TMED3: variants seen among roughly 807,000 people sequenced by gnomAD.
The protein encoded by TMED3 is transmembrane emp24 domain-containing protein 3.
A neutral mutation model predicts 15.0 loss-of-function variants in TMED3; 9 were observed. The observed-to-expected ratio is 0.60, with a 90% CI of 0.36 to 1.04. The LOEUF (loss-of-function observed/expected upper bound fraction) is 1.04. Among genes scored for constraint, TMED3 ranks in the 50% least tolerant of loss-of-function variants. The pLI, the probability that TMED3 is intolerant of heterozygous loss-of-function variation, is 0.01. For synonymous variants in TMED3, 117 were observed against 121.4 expected (o/e 0.96, Z 0.24); for missense variants, 267 against 278.9 (o/e 0.96, Z 0.30).
At chr15:79,401,135 A>AT (rs1893828403) in intron 2 of TMED3, among the ~76,000 whole-genome samples, 1 of 152,150 alleles carries the variant, frequency 6.6e-6, no homozygotes, top group Admixed American at 6.5e-5. Flanking sequence ...TCAATAATAG[A>AT]TTTTCAGTGC....
At chr15:79,376,110 T>G (rs1340940074) in intron 2 of TMED3, among the ~76,000 whole-genome samples, 2 of 71,374 alleles carry the variant, frequency 2.8e-5, no homozygotes, top group African/African-American at 1.1e-4. Context: ...TTTTTTTTTT[T>G]TTTTTTTTTT....
intron 2 of TMED3, among the ~76,000 whole-genome samples, chr15:79,404,868 A>T (rs1256569960): frequency 6.6e-6 from 1 of 152,220 alleles, no homozygotes; most frequent in Admixed American, 6.5e-5. Context: ...TAGCATCAAC[A>T]TAAGTGAGCC....
intron 2 of TMED3, among the ~76,000 whole-genome samples, chr15:79,349,096 C>A (rs6495400): frequency 0.094 from 14,238 of 152,236 alleles, 706 homozygotes; most frequent in Admixed American, 0.12. Context: ...CCTCTGCCTT[C>A]CAAAGTGCTG....
At chr15:79,340,065 G>C (rs1344280118) in intron 2 of TMED3, among the ~76,000 whole-genome samples, 1 of 152,156 alleles carries the variant, frequency 6.6e-6, no homozygotes, top group African/African-American at 2.4e-5. Flanking sequence ...CAAATTACAT[G>C]AATGTGTATC....
At chr15:79,331,688 A>G (rs1457195763) in intron 2 of TMED3, among the ~76,000 whole-genome samples, 1 of 152,200 alleles carries the variant, frequency 6.6e-6, no homozygotes, top group Non-Finnish European at 1.5e-5. Context: ...TGTACAAGGA[A>G]CTCAAACATA....
At chr15:79,347,746 G>T (rs2058876217) in intron 2 of TMED3, among the ~76,000 whole-genome samples, 1 of 152,074 alleles carries the variant, frequency 6.6e-6, no homozygotes, top group South Asian at 2.1e-4. Context: ...CAACAGTCAA[G>T]CTGAGAGGCA....
chr15:79,331,542 C>CAAAAAAAAAAAAAAAAAAAGAAAAAAAAA (rs2058808849), intron 2 of TMED3, among the ~76,000 whole-genome samples: 1 of 89,288 alleles, frequency 1.1e-5, no homozygotes, highest in Non-Finnish European at 2.1e-5. Flanking sequence ...GCAAAAGAAG[C>CAAAAAAAAAAAAAAAAAAAGAAAAAAAAA]AAAAAAAAAA....
At chr15:79,382,482 A>G (rs1893552028) in intron 2 of TMED3, among the ~76,000 whole-genome samples, 1 of 152,238 alleles carries the variant, frequency 6.6e-6, no homozygotes, top group African/African-American at 2.4e-5. Flanking sequence ...CCAATGCCAG[A>G]ATGCATAGCT....
chr15:79,359,706 C>G (rs985797857), intron 2 of TMED3, among the ~76,000 whole-genome samples: 1 of 152,106 alleles, frequency 6.6e-6, no homozygotes, highest in Non-Finnish European at 1.5e-5. Context: ...ATCAAGGTCT[C>G]AGAAAATGGA....
intron 2 of TMED3, among the ~76,000 whole-genome samples, chr15:79,341,503 C>T (rs984905126): frequency 7.9e-5 from 12 of 152,126 alleles, no homozygotes; most frequent in Non-Finnish European, 1.8e-4. Context: ...TTTAGGTAGG[C>T]GAGCCCATGG....
In TMED3 at chr15:79,411,227, G is replaced by A. The variant is rs557108912; in HGVS notation, c.418-173G>A. Among the ~76,000 whole-genome samples, 427 of 152,276 alleles carry A rather than the reference G, an allele frequency of 2.8e-3. 1 individual carries two copies. Among genetic ancestry groups the A allele is most frequent in the African/African-American group, 9.7e-3 (403 of 41,546 alleles). On this transcript the variant is annotated intron_variant, in intron 2 of 2. Transcript: ENST00000424155. ...CTCCCCATTTCTGGCAGGTGAATGT[G>A]TAAACTTTCTGGCTAGGGGAGGATA... is the stretch of plus-strand genomic sequence containing the variant.
chr15:79,412,333 T>G (rs1017755423), exon 3 of TMED3: 7 of 152,230 alleles, frequency 4.6e-5, no homozygotes, highest in African/African-American at 1.7e-4. Context: ...GAACTCAGCC[T>G]CCTCCTCCCC....
At chr15:79,392,162 T>G (rs1021739756) in intron 2 of TMED3, among the ~76,000 whole-genome samples, 3 of 152,168 alleles carry the variant, frequency 2.0e-5, no homozygotes, top group African/African-American at 7.2e-5. Flanking sequence ...TTTTGTTTTG[T>G]TTTTGCTTTT....
At chr15:79,391,502 C>T (rs1340533656) in intron 2 of TMED3, among the ~76,000 whole-genome samples, 1 of 152,084 alleles carries the variant, frequency 6.6e-6, no homozygotes, top group Non-Finnish European at 1.5e-5. Context: ...TATGGTCTAT[C>T]TTGGAGAAAG....
chr15:79,319,407 A>G (rs2058754670), intron 2 of TMED3, among the ~76,000 whole-genome samples: 2 of 152,192 alleles, frequency 1.3e-5, no homozygotes, highest in South Asian at 2.1e-4. Context: ...AGGATACCCA[A>G]TGAGGCAAGT....
rs535639892 is a variant in TMED3 at position 79,360,772 on chromosome 15, A to G, written c.417+46767A>G. Among the ~76,000 whole-genome samples the G allele has an allele frequency of 3.9e-5, 6 of 152,352 alleles. No homozygotes were observed. In the East Asian group the frequency reaches 9.6e-4, roughly 24 times the overall value. ...TGTGTGTGCCATAAAACGAAAAACA[A>G]TAGTGGAACATTGATTTAGACAGTA... On this transcript the variant is annotated intron_variant, in intron 2 of 2. Coordinates refer to the TMED3 transcript ENST00000424155.
downstream of TMED3, among the ~76,000 whole-genome samples, chr15:79,326,469 G>C (rs1226654297): frequency 1.4e-4 from 21 of 152,122 alleles, no homozygotes; most frequent in Non-Finnish European, 2.8e-4. Flanking sequence ...GGTTCTATAA[G>C]GACTCATCCC....
chr15:79,361,192 A>G (rs57996549), intron 2 of TMED3, among the ~76,000 whole-genome samples: 22,272 of 152,184 alleles, frequency 0.15, 1,902 homozygotes, highest in East Asian at 0.41. Flanking sequence ...AACCAATTCC[A>G]AGTGTTGAAG....
chr15:79,361,901 A>G (rs2141240884), intron 2 of TMED3, among the ~76,000 whole-genome samples: 1 of 152,254 alleles, frequency 6.6e-6, no homozygotes, highest in South Asian at 2.1e-4. Flanking sequence ...TTTTAAAAAA[A>G]GTATTAATCA....
Sources: gnomAD v4.1 joint callset for allele counts (sites outside exome capture counted in the v4.1 genomes callset) on GRCh38, gnomAD v4.1.1 for gene constraint, MANE v1.5 for transcripts, NCBI Gene and HGNC (gene_info 2026-07-23, HGNC 2026-07-21) for gene names.